The following MAP2K5 variants were observed in gnomAD, a reference collection of about 807,000 sequenced individuals.
MAP2K5 encodes dual specificity mitogen-activated protein kinase kinase 5.
MAP2K5 carries 49 observed loss-of-function variants against 83.1 expected under a neutral mutation model. The observed-to-expected ratio is 0.59, with a 90% confidence interval of 0.47 to 0.75. The LOEUF (loss-of-function observed/expected upper bound fraction) is 0.75, where lower values mean the gene tolerates loss of function less well. MAP2K5 is among the 30% of genes least tolerant of loss of function. MAP2K5 has a pLI of 0.00. For missense variants in MAP2K5, 457 were observed against 557.5 expected, an observed-to-expected ratio of 0.82 and a Z score of 1.82; for synonymous variants, 202 against 191.8, an observed-to-expected ratio of 1.05 and a Z score of -0.44.
intron 4 of MAP2K5, 139 bp from the exon 5 acceptor site, chr15:67,585,751 T>C: frequency 1.5e-6 from 1 of 680,666 alleles, no homozygotes. Context: ...AATTCCCACT[T>C]TGGGTCTTGG....
rs912525734 is a variant in MAP2K5 at position 67,638,858 on chromosome 15, T to G, written c.586-7373T>G. On this transcript the variant is annotated intron_variant, in intron 9 of 21. Transcript: ENST00000178640. This position sits in a 1 kb window ranked among gnomAD's most constrained non-coding sequence, Gnocchi z 4.5. ...GCGTTTTTCCATAGGATTGTTGGCCTCGTGTATATCTTCTTTTGAGAAGTG... is the reference window on the plus strand; with the variant it reads ...GCGTTTTTCCATAGGATTGTTGGCCGCGTGTATATCTTCTTTTGAGAAGTG... 1.3e-5 allele frequency among the ~76,000 whole-genome samples: 2 copies of G among 152,194 alleles called. No homozygotes were observed. The highest frequency in any genetic ancestry group is 1.3e-4 in the Admixed American group (2 of 15,278).
In MAP2K5 at chr15:67,775,805, G is replaced by A. The variant is rs1242896943; in HGVS notation, c.1242+3053G>A. The stretch of plus-strand genomic sequence containing the variant: ...AGGCAAAGGAAACAGGATGGGCAAA[G>A]CATGAGTGTATCTCGGTTTCAGACA... On this transcript the variant is annotated intron_variant, in intron 21 of 21. Transcript: ENST00000178640. The surrounding 1 kb of genome is among the most constrained non-coding windows in gnomAD (Gnocchi z 5.3). 6.6e-6 allele frequency among the ~76,000 whole-genome samples: 1 copy of A among 152,232 alleles called. No homozygotes were observed. Among genetic ancestry groups the A allele is most frequent in the South Asian group, 2.1e-4 (1 of 4,836 alleles).
chr15:67,605,133 A>G (rs2085752868), intron 8 of MAP2K5, among the ~76,000 whole-genome samples: 1 of 149,554 alleles, frequency 6.7e-6, no homozygotes, highest in Non-Finnish European at 1.5e-5. Context: ...TCTCACTGCA[A>G]CCTCTGCCTC....
intron 19 of MAP2K5, among the ~76,000 whole-genome samples, chr15:67,762,182 G>C (rs145231970): frequency 1.3e-5 from 2 of 152,334 alleles, no homozygotes; most frequent in Non-Finnish European, 2.9e-5. Flanking sequence ...GGAGGCTGCA[G>C]AGAAAGAGGA....
At chr15:67,691,100 A>G (rs1445967173) in intron 13 of MAP2K5, among the ~76,000 whole-genome samples, 1 of 152,188 alleles carries the variant, frequency 6.6e-6, no homozygotes, top group African/African-American at 2.4e-5. Context: ...ACCCCTCATC[A>G]CTGAAACAGA....
chr15:67,748,659 C>T lies in MAP2K5; in HGVS notation c.1134+58C>T, dbSNP rs1197207253. 1.3e-6 allele frequency: 2 copies of T among 1,546,820 alleles called. No individual in the cohort carries two copies. The highest frequency in any genetic ancestry group is 1.8e-6 in the Non-Finnish European group (2 of 1,123,608). ...AAGTCATTCCTAATGGTGTGGAAAG[C>T]TTATATTTTGTTTCCTAATGAAGCA... On this transcript the variant is annotated intron_variant, in intron 19 of 21. Transcript: ENST00000178640. This position sits in a 1 kb window ranked among gnomAD's most constrained non-coding sequence, Gnocchi z 4.0.
intron 13 of MAP2K5, 100 bp from the exon 14 acceptor site, chr15:67,692,379 T>G (rs2088135350): frequency 2.7e-6 from 2 of 736,186 alleles, no homozygotes; most frequent in South Asian, 1.8e-5. Context: ...GCAGATGATG[T>G]CATTTCTGCA....
At chr15:67,697,892 C>A (rs1336599207) in intron 15 of MAP2K5, among the ~76,000 whole-genome samples, 2 of 152,090 alleles carry the variant, frequency 1.3e-5, no homozygotes, top group South Asian at 4.2e-4. Context: ...CATCATTAGT[C>A]ATTTAGAAAA....
Position 67,587,653 on chromosome 15 carries a change from C to T in MAP2K5, c.431+740C>T, listed in dbSNP as rs990751394. The stretch of plus-strand genomic sequence containing the variant: ...TGAGCTGAGATTTGTCTTTCTATAG[C>T]GCCCACTCATAACGTTTTAGTTAAG... On this transcript the variant is annotated intron_variant, in intron 6 of 21. Coordinates refer to ENST00000178640, the MANE Select transcript of MAP2K5 (RefSeq NM_145160.3). This position sits in a 1 kb window ranked among gnomAD's most constrained non-coding sequence, Gnocchi z 4.8. Among the ~76,000 whole-genome samples the T allele has an allele frequency of 6.6e-6, 1 of 152,156 alleles. No homozygotes were observed. The highest frequency in any genetic ancestry group is 1.5e-5 in the Non-Finnish European group (1 of 68,032).
At chr15:67,584,235 G>A (rs980160438) in intron 4 of MAP2K5, among the ~76,000 whole-genome samples, 3 of 152,180 alleles carry the variant, frequency 2.0e-5, no homozygotes, top group Non-Finnish European at 2.9e-5. Flanking sequence ...AGGTTACTGG[G>A]TTTTTTGACT....
chr15:67,697,088 G>C (rs903724260), intron 15 of MAP2K5, among the ~76,000 whole-genome samples: 1 of 152,184 alleles, frequency 6.6e-6, no homozygotes, highest in Non-Finnish European at 1.5e-5. Flanking sequence ...GAATGGATGA[G>C]CAAATACTCA....
At chr15:67,805,580 A>G (rs1349251596) in intron 21 of MAP2K5, among the ~76,000 whole-genome samples, 1 of 144,018 alleles carries the variant, frequency 6.9e-6, no homozygotes, top group Admixed American at 7.4e-5. Flanking sequence ...AGAGGGGCTG[A>G]GGAAGCTGGA....
chr15:67,597,328 T>G (rs1779015183), intron 7 of MAP2K5, among the ~76,000 whole-genome samples: 1 of 152,252 alleles, frequency 6.6e-6, no homozygotes, highest in African/African-American at 2.4e-5. Context: ...TTAACTTGTG[T>G]CTTTCAGTTG....
chr15:67,650,302 A>T (rs1196105425), intron 11 of MAP2K5, among the ~76,000 whole-genome samples: 1 of 152,114 alleles, frequency 6.6e-6, no homozygotes, highest in Non-Finnish European at 1.5e-5. Flanking sequence ...TCAATTCTGA[A>T]TGTCTTTTAT....
At chr15:67,670,898 C>T (rs1325576470) in intron 13 of MAP2K5, among the ~76,000 whole-genome samples, 34 of 152,144 alleles carry the variant, frequency 2.2e-4, no homozygotes, top group African/African-American at 7.2e-5. Context: ...GTAGTTAAGC[C>T]GATTTTTTTC....
Position 67,693,539 on chromosome 15 carries a change from A to T in MAP2K5, c.943A>T (p.Thr315Ser). 1 of 1,612,216 alleles carries T rather than the reference A, an allele frequency of 6.2e-7. No individual in the cohort carries two copies. Among genetic ancestry groups the T allele is most frequent in the South Asian group, 1.1e-5 (1 of 90,884 alleles). Residue 315 changes from threonine (T) to serine (S), a missense_variant, in exon 15 of 22, where the codon ACG becomes TCG. Around this residue, in one of 3 missense-constraint regions of MAP2K5, gnomAD observed 168 missense variants for 263.0 expected, o/e 0.64. Transcript: ENST00000178640. Reference protein sequence around the residue: ...STQLVNSIAKTYVGTNAYMAP... With the variant: ...STQLVNSIAKSYVGTNAYMAP... ...ATAGCTGGTGAATTCTATAGCCAAG[A>T]CGTATGTTGGAACAAATGCTTATAT...
intron 21 of MAP2K5, 25 bp from the exon 22 acceptor site, chr15:67,806,621 C>A (rs1198473226): frequency 5.8e-6 from 9 of 1,543,302 alleles, no homozygotes; most frequent in Non-Finnish European, 7.9e-6. Flanking sequence ...GACTGCCTGT[C>A]ACAGCCTCCT....
intron 15 of MAP2K5, among the ~76,000 whole-genome samples, chr15:67,696,897 T>A (rs1567367637): frequency 6.6e-6 from 1 of 152,192 alleles, no homozygotes. Flanking sequence ...GAGAATCACT[T>A]GAACCCGGGA....
At chr15:67,550,179 ATTAT>A in intron 2 of MAP2K5, 97 bp downstream of exon 2, 2 of 866,414 alleles carry the variant, frequency 2.3e-6, no homozygotes, top group Non-Finnish European at 1.9e-6. Flanking sequence ...ACAAAAACAG[ATTAT>A]TTATGACCAT....
Sources: gnomAD v4.1 joint callset for allele counts (sites outside exome capture counted in the v4.1 genomes callset) on GRCh38, gnomAD v4.1.1 for gene constraint, gnomAD v4.1.1 regional missense constraint, Gnocchi (gnomAD v3.1) non-coding constraint, MANE v1.5 for transcripts, NCBI Gene and HGNC (gene_info 2026-07-23, HGNC 2026-07-21) for gene names.